The following NTNG2 variants were observed in gnomAD, a reference collection of about 807,000 sequenced individuals.
NTNG2 encodes netrin-G2.
A neutral mutation model predicts 47.6 loss-of-function variants in NTNG2; 15 were observed. The ratio of observed to expected loss-of-function variants is 0.32; its 90% CI spans 0.21 to 0.49. The LOEUF is 0.49. Ranked by LOEUF, NTNG2 falls within the 20% of genes least tolerant of loss-of-function variation. The pLI, the probability that NTNG2 is intolerant of heterozygous loss-of-function variation, is 0.99. For synonymous variants in NTNG2, 307 were observed against 324.6 expected (o/e 0.95, Z 0.58); for missense variants, 578 against 764.6 (o/e 0.76, Z 2.88).
In NTNG2 at chr9:132,226,641, T is replaced by C. The variant is rs1840778339; in HGVS notation, c.858-208T>C. On this transcript the variant is annotated intron_variant, in intron 3 of 7. Transcript: ENST00000393229. This position sits in a 1 kb window ranked among gnomAD's most constrained non-coding sequence, Gnocchi z 4.8. ...GAGAGCCGCGCAGTGACTGCAGGTG[T>C]GGCCTTTGGAACACGGCGTTGATCT... Among the ~76,000 whole-genome samples, 1 of 152,218 alleles carries C rather than the reference T, an allele frequency of 6.6e-6. No individual in the cohort carries two copies. Among genetic ancestry groups the C allele is most frequent in the Admixed American group, 6.5e-5 (1 of 15,278 alleles).
chr9:132,229,838 C>G (rs1183551495), intron 4 of NTNG2, among the ~76,000 whole-genome samples: 1 of 152,246 alleles, frequency 6.6e-6, no homozygotes, highest in African/African-American at 2.4e-5. Flanking sequence ...GGCACCAGCT[C>G]CTTCCTTTTG....
In NTNG2 at chr9:132,198,486, A is replaced by T; in HGVS notation, c.734A>T (p.Glu245Val). The T allele has an allele frequency of 6.2e-7, 1 of 1,610,338 alleles. No individual in the cohort carries two copies. The highest frequency in any genetic ancestry group is 1.3e-5 in the African/African-American group (1 of 75,014). ...CTGGAGAGCGCCAAGGGCCTCAAGG[A>T]GTTCTTCACCCTCACCGACCTGCGC... Reference protein sequence around the residue: ...TRLESAKGLKEFFTLTDLRMR... With the variant: ...TRLESAKGLKVFFTLTDLRMR... The change falls in exon 3 of 8, where the codon GAG becomes GTG. Residue 245 changes from glutamate to valine, a missense_variant. Physicochemically the swap from Glu to Val is moderately radical, Grantham distance 121. Transcript: ENST00000393229.
In NTNG2 at chr9:132,162,214, G is replaced by C. The variant is rs565739381; in HGVS notation, c.-509G>C. The C allele has an allele frequency of 6.6e-6, 1 of 152,480 alleles. No homozygotes were observed. Among genetic ancestry groups the C allele is most frequent in the African/African-American group, 2.4e-5 (1 of 41,404 alleles). 9.4% of individuals were successfully genotyped at this position (152,480 alleles called of 1,614,324 possible). A position where few individuals can be genotyped will look rare whatever the true frequency, so the allele number is the denominator to read the frequency against. ...CGGTCCTCGGCCCTCCCAGGTCTCCGCGCCGGGAAGCCGCTCCGAGCCGGG... is the reference window on the plus strand; with the variant it reads ...CGGTCCTCGGCCCTCCCAGGTCTCCCCGCCGGGAAGCCGCTCCGAGCCGGG... On this transcript the variant is annotated 5_prime_UTR_variant, in exon 1 of 8. Transcript: ENST00000393229. This position sits in a 1 kb window ranked among gnomAD's most constrained non-coding sequence, Gnocchi z 4.6.
At chr9:132,199,113 C>T (rs996164177) in intron 3 of NTNG2, among the ~76,000 whole-genome samples, 1 of 152,074 alleles carries the variant, frequency 6.6e-6, no homozygotes, top group African/African-American at 2.4e-5. Context: ...AGCTTTTCCA[C>T]GGAAGAAGGT....
rs183025207 is a variant in NTNG2, at chr9:132,199,914, C to G, written c.857+1305C>G. Among the ~76,000 whole-genome samples the G allele has an allele frequency of 4.6e-5, 7 of 152,268 alleles. No individual in the cohort carries two copies. The East Asian group carries it at 9.6e-4, about 21-fold the overall frequency. ...AGACTGTCATAGGAGATGAAAGCAGCCTTTACCTCCCAAAAACTGTTTAGA... is the reference window on the plus strand; with the variant it reads ...AGACTGTCATAGGAGATGAAAGCAGGCTTTACCTCCCAAAAACTGTTTAGA... On this transcript the variant is annotated intron_variant, in intron 3 of 7. Transcript: ENST00000393229.
rs2130856024 is a variant in NTNG2, at chr9:132,215,106, G to A, written c.858-11743G>A. ...GGGGGGGGTCTCACTTTCTTGCCCA[G>A]GCTGGTCTCAAACTCCTGTTCTCAG... On this transcript the variant is annotated intron_variant, in intron 3 of 7. Transcript: ENST00000393229. The surrounding 1 kb of genome is among the most constrained non-coding windows in gnomAD (Gnocchi z 4.2). Among the ~76,000 whole-genome samples the A allele has an allele frequency of 6.6e-6, 1 of 151,474 alleles. No individual in the cohort carries two copies. The highest frequency in any genetic ancestry group is 2.1e-4 in the South Asian group (1 of 4,788).
At chr9:132,213,408 G>A (rs544431154) in intron 3 of NTNG2, among the ~76,000 whole-genome samples, 5 of 150,252 alleles carry the variant, frequency 3.3e-5, no homozygotes, top group Admixed American at 6.6e-5. Flanking sequence ...CCTTGAGGCC[G>A]TCCATCGTCC....
At chr9:132,207,335 G>A (rs1312604121) in intron 3 of NTNG2, among the ~76,000 whole-genome samples, 1 of 152,194 alleles carries the variant, frequency 6.6e-6, no homozygotes, top group Non-Finnish European at 1.5e-5. Flanking sequence ...GGAACCTGCA[G>A]AGGGGAATCT....
chr9:132,224,276 G>A (rs898344722), intron 3 of NTNG2, among the ~76,000 whole-genome samples: 1 of 152,032 alleles, frequency 6.6e-6, no homozygotes, highest in Non-Finnish European at 1.5e-5. Flanking sequence ...TGGAGTATAT[G>A]TGTTACAATG....
intron 3 of NTNG2, among the ~76,000 whole-genome samples, chr9:132,216,651 G>A (rs564336510): frequency 6.6e-6 from 1 of 152,262 alleles, no homozygotes; most frequent in African/African-American, 2.4e-5. Flanking sequence ...GAGCTGAAAA[G>A]TGCTGTGTCG....
At position 132,198,581 on chromosome 9, in the gene NTNG2, G is replaced by A. The variant is rs1231179261; in HGVS notation, c.829G>A (p.Ala277Thr). ...QRENLYKYFYAISNIEVIGRC... is the reference protein window; with the variant it reads ...QRENLYKYFYTISNIEVIGRC... The stretch of plus-strand genomic sequence containing the variant: ...GGAGAACCTCTACAAGTACTTCTAC[G>A]CCATCTCCAACATCGAGGTCATCGG... The change falls in exon 3 of 8, where the codon GCC (alanine) becomes ACC (threonine). Residue 277 changes from alanine to threonine, a missense_variant. Physicochemically the swap from Ala to Thr is moderately conservative, Grantham distance 58. Transcript: ENST00000393229. The A allele has an allele frequency of 6.2e-6, 10 of 1,610,270 alleles. No homozygotes were observed. The highest frequency in any genetic ancestry group is 8.5e-6 in the Non-Finnish European group (10 of 1,177,626).
chr9:132,198,656 A>G (rs1243210407), intron 3 of NTNG2, 47 bp downstream of exon 3: 5 of 1,566,682 alleles, frequency 3.2e-6, no homozygotes, highest in Middle Eastern at 1.7e-4. Context: ...CTGGGATGCT[A>G]TCTGTTACCT....
chr9:132,238,471 A>G (rs1369476551), intron 5 of NTNG2, among the ~76,000 whole-genome samples: 2 of 152,212 alleles, frequency 1.3e-5, no homozygotes, highest in African/African-American at 4.8e-5. Flanking sequence ...GCAGGTTCCC[A>G]GGGCTCCTGC....
chr9:132,182,956 C>T lies in NTNG2; in HGVS notation c.214-15010C>T, dbSNP rs1214743582. Among the ~76,000 whole-genome samples the T allele has an allele frequency of 6.6e-6, 1 of 152,200 alleles. No homozygotes were observed. On this transcript the variant is annotated intron_variant, in intron 2 of 7. Coordinates refer to ENST00000393229, the MANE Select transcript of NTNG2 (RefSeq NM_032536.4). The surrounding 1 kb of genome is among the most constrained non-coding windows in gnomAD (Gnocchi z 4.2). ...GGCCCAGCAGGAGGAGGCATTAAAC[C>T]TCCCCAGGTGGTCCCAGTGCACAGC...
rs1355329902 is a variant in NTNG2, at chr9:132,242,314, C to G, written c.*203C>G. 1.6e-5 allele frequency: 3 copies of G among 188,522 alleles called. No individual in the cohort carries two copies. In the East Asian group the frequency reaches 4.4e-4, roughly 28 times the overall value. 11.7% of individuals were successfully genotyped at this position (188,522 alleles called of 1,614,324 possible). On this transcript the variant is annotated 3_prime_UTR_variant, in exon 8 of 8. Coordinates refer to ENST00000393229, the MANE Select transcript of NTNG2 (RefSeq NM_032536.4). This position sits in a 1 kb window ranked among gnomAD's most constrained non-coding sequence, Gnocchi z 5.9. ...AGGGGCGCCTTGGGACTCCGGTCCC[C>G]GCGCCTGCGATTTGGTTTCGTTTTT...
In NTNG2 at chr9:132,163,876, A is replaced by C. The variant is rs1835289280; in HGVS notation, c.-484+1637A>C. On this transcript the variant is annotated intron_variant, in intron 1 of 7. Transcript: ENST00000393229. The surrounding 1 kb of genome is among the most constrained non-coding windows in gnomAD (Gnocchi z 7.2). ...TATCAGCCCCCCTTGGTTCCTGAGG[A>C]CTCTTAAAAGAAAATAAAGCACATT... is the stretch of plus-strand genomic sequence containing the variant. Among the ~76,000 whole-genome samples the C allele has an allele frequency of 6.6e-6, 1 of 152,156 alleles. No homozygotes were observed. Among genetic ancestry groups the C allele is most frequent in the Admixed American group, 6.5e-5 (1 of 15,288 alleles).
At chr9:132,188,572 G>A (rs889798073) in intron 2 of NTNG2, among the ~76,000 whole-genome samples, 9 of 152,316 alleles carry the variant, frequency 5.9e-5, no homozygotes, top group Admixed American at 3.3e-4. Context: ...CCCTGGGAGC[G>A]TGGGAGGTGG....
At chr9:132,224,361 T>G (rs532931058) in intron 3 of NTNG2, among the ~76,000 whole-genome samples, 24 of 152,300 alleles carry the variant, frequency 1.6e-4, no homozygotes, top group South Asian at 1.0e-3. Flanking sequence ...GTTGGACACT[T>G]CAGTGGGTTT....
At chr9:132,212,937 C>A (rs965466492) in intron 3 of NTNG2, among the ~76,000 whole-genome samples, 2 of 151,300 alleles carry the variant, frequency 1.3e-5, no homozygotes, top group African/African-American at 2.5e-5. Flanking sequence ...CCCAACCCCC[C>A]AAAGAAGACC....
Sources: gnomAD v4.1 joint callset for allele counts (sites outside exome capture counted in the v4.1 genomes callset) on GRCh38, gnomAD v4.1.1 for gene constraint, Gnocchi (gnomAD v3.1) non-coding constraint, MANE v1.5 for transcripts, NCBI Gene and HGNC (gene_info 2026-07-23, HGNC 2026-07-21) for gene names.